MIS18A: variants seen among roughly 807,000 people sequenced by gnomAD.
The protein encoded by MIS18A is protein Mis18-alpha.
A neutral mutation model predicts 25.0 loss-of-function variants in MIS18A; 14 were observed. The ratio of observed to expected loss-of-function variants is 0.56; its 90% confidence interval spans 0.37 to 0.88. The LOEUF is 0.88. Among genes scored for constraint, MIS18A ranks in the 40% least tolerant of loss-of-function variants. The pLI, the probability that MIS18A is intolerant of heterozygous loss-of-function variation, is 0.00. For synonymous variants in MIS18A, 134 were observed against 118.6 expected, an observed-to-expected ratio of 1.13 and a Z score of -0.84; for missense variants, 292 against 290.8, an observed-to-expected ratio of 1.00 and a Z score of -0.03.
In MIS18A at chr21:32,272,114, G is replaced by T. The variant is rs139274696; in HGVS notation, c.402-1585C>A. ...AAGGCAGCAACTTTCCGCTTTCACA[G>T]TTGGCAAGAATTTGGCCAGCATTCA... On this transcript the variant is annotated intron_variant, in intron 2 of 4. Transcript: ENST00000290130. 2.9e-3 allele frequency among the ~76,000 whole-genome samples: 439 copies of T among 152,342 alleles called. 3 individuals carry two copies. Among genetic ancestry groups the T allele is most frequent in the African/African-American group, 0.01 (422 of 41,586 alleles).
chr21:32,240,956 C>T, the MIS18A span, among the ~76,000 whole-genome samples: 1 of 152,198 alleles, frequency 6.6e-6, no homozygotes, highest in Non-Finnish European at 1.5e-5. Context: ...GTCTGGGAGA[C>T]TTGACAGATG....
the MIS18A span, among the ~76,000 whole-genome samples, chr21:32,233,080 C>G: frequency 6.6e-6 from 1 of 152,114 alleles, no homozygotes; most frequent in Admixed American, 6.6e-5. Context: ...AATAATTGTC[C>G]AGTTTACAAA....
the MIS18A span, among the ~76,000 whole-genome samples, chr21:32,166,726 TAAAAAAGAA>T: frequency 6.6e-6 from 1 of 152,154 alleles, no homozygotes; most frequent in Non-Finnish European, 1.5e-5. Flanking sequence ...ATAGCTTTCT[TAAAAAAGAA>T]TTCGAAATAA....
the MIS18A span, among the ~76,000 whole-genome samples, chr21:32,203,183 A>G: frequency 1.5e-5 from 2 of 130,362 alleles, no homozygotes; most frequent in Non-Finnish European, 3.5e-5. Flanking sequence ...CAGAAAAGAG[A>G]AAAAAAAAAT....
At chr21:32,255,157 G>A in the MIS18A span, among the ~76,000 whole-genome samples, 11 of 152,138 alleles carry the variant, frequency 7.2e-5, no homozygotes, top group African/African-American at 2.6e-4. Context: ...TTGGATTGTA[G>A]ATACTTTTAC....
At chr21:32,203,153 C>A in the MIS18A span, among the ~76,000 whole-genome samples, 1 of 147,250 alleles carries the variant, frequency 6.8e-6, no homozygotes. Flanking sequence ...GAAAGTAGAA[C>A]AGAGACTAGA....
At chr21:32,168,631 A>C in the MIS18A span, among the ~76,000 whole-genome samples, 3 of 152,202 alleles carry the variant, frequency 2.0e-5, no homozygotes, top group East Asian at 5.8e-4. Context: ...AAAGTGTTGT[A>C]AGGCCCTAGC....
chr21:32,194,906 AG>A, the MIS18A span, among the ~76,000 whole-genome samples: 1 of 147,044 alleles, frequency 6.8e-6, no homozygotes, highest in Non-Finnish European at 1.5e-5. Flanking sequence ...GAGGGTGGGA[AG>A]GGGGTGAGGG....
At chr21:32,275,073 C>T (rs535110123) in intron 1 of MIS18A, among the ~76,000 whole-genome samples, 177 bp from the exon 2 acceptor site, 15 of 152,224 alleles carry the variant, frequency 9.9e-5, no homozygotes, top group Non-Finnish European at 1.6e-4. Context: ...GAAAAGATAG[C>T]AGAATAAGAG....
At chr21:32,188,009 C>G in the MIS18A span, among the ~76,000 whole-genome samples, 1 of 151,752 alleles carries the variant, frequency 6.6e-6, no homozygotes, top group Non-Finnish European at 1.5e-5. Context: ...TTCTGTCTCT[C>G]TCTCTCTCTC....
At chr21:32,222,658 G>A in the MIS18A span, among the ~76,000 whole-genome samples, 2 of 152,042 alleles carry the variant, frequency 1.3e-5, no homozygotes, top group Admixed American at 6.6e-5. Flanking sequence ...CCAGCCAGGC[G>A]TGGTGGCTCA....
the MIS18A span, chr21:32,260,198 T>G: frequency 6.6e-6 from 1 of 151,108 alleles, no homozygotes; most frequent in Non-Finnish European, 1.5e-5. Flanking sequence ...ACAACCCTAG[T>G]ATTCCAGGAA....
chr21:32,234,691 C>G, the MIS18A span, among the ~76,000 whole-genome samples: 1 of 152,124 alleles, frequency 6.6e-6, no homozygotes, highest in Non-Finnish European at 1.5e-5. Flanking sequence ...TGAGACCTCC[C>G]CCTTGGCTCT....
chr21:32,210,964 G>A, the MIS18A span, among the ~76,000 whole-genome samples: 299 of 152,194 alleles, frequency 2.0e-3, 3 homozygotes, highest in Non-Finnish European at 3.6e-3. Context: ...GTCTGCCTCC[G>A]AAATAACTCT....
chr21:32,228,784 AG>A, the MIS18A span, among the ~76,000 whole-genome samples: 2 of 152,238 alleles, frequency 1.3e-5, no homozygotes, highest in Non-Finnish European at 2.9e-5. Context: ...TAAAATGCTT[AG>A]GAGTAAATTT....
chr21:32,279,001 C>T lies in MIS18A; in HGVS notation c.14G>A (p.Arg5Gln), dbSNP rs763545006. MAGVRSLRCSRGCAG... is the reference protein window; with the variant it reads MAGVQSLRCSRGCAG... Reference sequence around the variant, plus strand: ...GCATCCTCTGCTACACCTCAGTGACCGAACGCCTGCCATTACCTACAAATC... The same window carrying T: ...GCATCCTCTGCTACACCTCAGTGACTGAACGCCTGCCATTACCTACAAATC... The change falls in exon 1 of 5, where the codon CGG (arginine) becomes CAG (glutamine). Residue 5 changes from arginine to glutamine, a missense_variant. Transcript: ENST00000290130. 1.9e-6 allele frequency: 3 copies of T among 1,598,552 alleles called. No individual in the cohort carries two copies. The highest frequency in any genetic ancestry group is 1.1e-5 in the South Asian group (1 of 90,844).
chr21:32,256,231 C>T, the MIS18A span, among the ~76,000 whole-genome samples: 1 of 152,158 alleles, frequency 6.6e-6, no homozygotes. Flanking sequence ...GACTGGGCCA[C>T]CCCAAATTGT....
downstream of MIS18A, among the ~76,000 whole-genome samples, chr21:32,265,514 G>T (rs1187274373): frequency 6.6e-6 from 1 of 152,220 alleles, no homozygotes; most frequent in Non-Finnish European, 1.5e-5. Flanking sequence ...CCCCAGCAGT[G>T]CCGGCCCACC....
downstream of MIS18A, among the ~76,000 whole-genome samples, chr21:32,266,627 G>A (rs140552133): frequency 2.0e-5 from 3 of 151,796 alleles, no homozygotes; most frequent in East Asian, 5.8e-4. Flanking sequence ...CACCGCGAAG[G>A]TCTGCAGCTT....
Sources: gnomAD v4.1 joint callset for allele counts (sites outside exome capture counted in the v4.1 genomes callset) on GRCh38, gnomAD v4.1.1 for gene constraint, MANE v1.5 for transcripts, NCBI Gene and HGNC (gene_info 2026-07-23, HGNC 2026-07-21) for gene names.